EIF4G3: variants seen among roughly 807,000 people sequenced by gnomAD.
EIF4G3 encodes eIF-4-gamma 3.
A neutral mutation model predicts 186.4 loss-of-function variants in EIF4G3; 34 were observed. The observed-to-expected ratio is 0.18, with a 90% CI of 0.14 to 0.24. The LOEUF (loss-of-function observed/expected upper bound fraction) is 0.24, where lower values mean the gene tolerates loss of function less well. Among genes scored for constraint, EIF4G3 ranks in the 10% least tolerant of loss-of-function variants. The pLI is 1.00. For missense variants in EIF4G3, 1,536 were observed against 1,948.5 expected, an observed-to-expected ratio of 0.79 and a Z score of 3.99; for synonymous variants, 673 against 679.5, an observed-to-expected ratio of 0.99 and a Z score of 0.15.
At chr1:21,051,611 G>T (rs539197063) in intron 3 of EIF4G3, among the ~76,000 whole-genome samples, 1 of 152,236 alleles carries the variant, frequency 6.6e-6, no homozygotes, top group South Asian at 2.1e-4. Flanking sequence ...CAGCACTTTG[G>T]GAGGCCAACA....
intron 2 of EIF4G3, among the ~76,000 whole-genome samples, chr1:21,151,223 A>G (rs2097542902): frequency 8.3e-6 from 1 of 121,010 alleles, no homozygotes; most frequent in South Asian, 2.8e-4. Flanking sequence ...TAATGGTTAT[A>G]TAGTATTTCT....
At chr1:20,860,062 G>GA (rs1319426114) in intron 24 of EIF4G3, among the ~76,000 whole-genome samples, 3 of 152,054 alleles carry the variant, frequency 2.0e-5, no homozygotes, top group African/African-American at 7.2e-5. Context: ...TACCTTACCA[G>GA]ATAAACTGTA....
intron 4 of EIF4G3, among the ~76,000 whole-genome samples, chr1:21,033,553 T>C (rs1167966385): frequency 6.6e-6 from 1 of 152,226 alleles, no homozygotes; most frequent in Non-Finnish European, 1.5e-5. Flanking sequence ...GTTATTTCTA[T>C]TGAACAAATG....
chr1:21,139,530 C>T (rs558889581), intron 2 of EIF4G3, among the ~76,000 whole-genome samples: 1 of 152,022 alleles, frequency 6.6e-6, no homozygotes, highest in East Asian at 1.9e-4. Context: ...TCAAAGCTTT[C>T]GAAAAAGGTA....
At chr1:20,887,354 C>A (rs1259987705) in intron 18 of EIF4G3, among the ~76,000 whole-genome samples, 2 of 152,082 alleles carry the variant, frequency 1.3e-5, no homozygotes, top group Non-Finnish European at 1.5e-5. Context: ...CTTTTGAATT[C>A]ATTTAACGCT....
intron 33 of EIF4G3, among the ~76,000 whole-genome samples, chr1:20,820,864 C>A (rs1450459308): frequency 6.6e-6 from 1 of 151,906 alleles, no homozygotes. Context: ...GCAGAAATGT[C>A]CAAACGACCT....
intron 14 of EIF4G3, among the ~76,000 whole-genome samples, chr1:20,915,558 C>T (rs1363628800): frequency 1.3e-5 from 2 of 151,586 alleles, no homozygotes; most frequent in African/African-American, 4.8e-5. Flanking sequence ...CCCAGGGAAG[C>T]AGGTTGGTTT....
At chr1:21,089,050 T>C (rs1316034071) in intron 3 of EIF4G3, 88 bp downstream of exon 3, 1 of 661,860 alleles carries the variant, frequency 1.5e-6, no homozygotes, top group African/African-American at 1.8e-5. Flanking sequence ...ATTTGTCATG[T>C]GTCAATCAAA....
At chr1:20,863,325 G>C (rs1406999738) in intron 22 of EIF4G3, among the ~76,000 whole-genome samples, 1 of 143,504 alleles carries the variant, frequency 7.0e-6, no homozygotes, top group Non-Finnish European at 1.5e-5. Context: ...TTGAAGCCAG[G>C]AGTTTAAGAC....
intron 2 of EIF4G3, among the ~76,000 whole-genome samples, chr1:21,148,252 A>T (rs147535034): frequency 9.4e-4 from 143 of 152,176 alleles, no homozygotes; most frequent in African/African-American, 3.3e-3. Flanking sequence ...TTCTAATTTC[A>T]CAGAGACAAG....
intron 14 of EIF4G3, among the ~76,000 whole-genome samples, chr1:20,908,206 C>G (rs2092591916): frequency 6.6e-6 from 1 of 151,992 alleles, no homozygotes; most frequent in African/African-American, 2.4e-5. Flanking sequence ...TGAGAAGTGT[C>G]TGTTCATATC....
intron 3 of EIF4G3, among the ~76,000 whole-genome samples, chr1:21,079,874 G>A (rs538177727): frequency 1.3e-5 from 2 of 150,252 alleles, no homozygotes; most frequent in East Asian, 2.0e-4. Context: ...GGCATGGCCC[G>A]GGTGCGGTGG....
At chr1:21,159,360 A>C (rs1252380780) in intron 2 of EIF4G3, among the ~76,000 whole-genome samples, 1 of 151,690 alleles carries the variant, frequency 6.6e-6, no homozygotes, top group African/African-American at 2.4e-5. Flanking sequence ...GGATCCCTTG[A>C]GTCCAGGAGT....
chr1:20,864,746 G>A (rs770377262), intron 21 of EIF4G3, 34 bp from the exon 22 acceptor site: 12 of 1,540,314 alleles, frequency 7.8e-6, no homozygotes, highest in Non-Finnish European at 1.1e-5. Context: ...GCATCTTGAT[G>A]ATGAAAGTTG....
chr1:21,151,236 C>CTTTTTTTTTTTTTTTTTTT lies in EIF4G3; in HGVS notation c.-272+24920_-272+24938dup, dbSNP rs71014161. On this transcript the variant is annotated intron_variant, in intron 2 of 36. Transcript: ENST00000602326. ...TTTAATGGTTATATAGTATTTCTTT[C>CTTTTTTTTTTTTTTTTTTT]TTTTTTTTTTTTTTTTTTTTGAGAT... 2.1e-4 allele frequency among the ~76,000 whole-genome samples: 17 copies of CTTTTTTTTTTTTTTTTTTT among 80,440 alleles called. 3 individuals are homozygous for CTTTTTTTTTTTTTTTTTTT. The highest frequency in any genetic ancestry group is 3.0e-4 in the Non-Finnish European group (14 of 46,058). 52.8% of individuals were successfully genotyped at this position (80,440 alleles called of 152,430 possible).
At chr1:21,062,309 C>T (rs2094958780) in intron 3 of EIF4G3, among the ~76,000 whole-genome samples, 2 of 152,122 alleles carry the variant, frequency 1.3e-5, no homozygotes, top group South Asian at 2.1e-4. Flanking sequence ...ATCCTCCCAC[C>T]TCAGCCTCCC....
intron 24 of EIF4G3, among the ~76,000 whole-genome samples, chr1:20,859,328 AGAGC>A (rs2075826170): frequency 6.6e-6 from 1 of 152,252 alleles, no homozygotes; most frequent in African/African-American, 2.4e-5. Context: ...ACTAGGTACT[AGAGC>A]GAGGAAGGTA....
intron 4 of EIF4G3, among the ~76,000 whole-genome samples, chr1:21,029,212 G>T (rs1421627030): frequency 6.6e-6 from 1 of 151,520 alleles, no homozygotes; most frequent in African/African-American, 2.4e-5. Context: ...TAGAGACAAG[G>T]TTTCACCACT....
At chr1:21,122,704 C>T (rs996526854) in intron 2 of EIF4G3, among the ~76,000 whole-genome samples, 1 of 152,162 alleles carries the variant, frequency 6.6e-6, no homozygotes, top group Non-Finnish European at 1.5e-5. Flanking sequence ...CCAATAATAT[C>T]GAGCACTTTC....
Sources: allele counts gnomAD v4.1 joint callset (sites outside exome capture counted in the v4.1 genomes callset), GRCh38; gene constraint gnomAD v4.1.1; transcripts MANE v1.5; gene names NCBI Gene and HGNC (gene_info 2026-07-23, HGNC 2026-07-21).